GNG12: variants seen among roughly 807,000 people sequenced by gnomAD.
GNG12 encodes guanine nucleotide-binding protein G(I)/G(S)/G(O) subunit gamma-12.
For missense variants in GNG12, 69 were observed against 83.8 expected (o/e 0.82, Z 0.69); for synonymous variants, 28 against 29.7 (o/e 0.94, Z 0.19).
chr1:67,771,252 TCCTGA>T (rs1180986331), intron 2 of GNG12, among the ~76,000 whole-genome samples: 8 of 152,346 alleles, frequency 5.3e-5, no homozygotes, highest in Non-Finnish European at 8.8e-5. Flanking sequence ...CTTTGCTAAG[TCCTGA>T]CTAAGTGCCA....
intron 1 of GNG12, among the ~76,000 whole-genome samples, chr1:67,825,544 C>T (rs952003270): frequency 2.6e-5 from 4 of 152,156 alleles, no homozygotes; most frequent in African/African-American, 7.2e-5. Context: ...GAAAGTAGTA[C>T]CAGTTGGTAC....
At chr1:67,736,135 C>G (rs1265210092) in intron 2 of GNG12, among the ~76,000 whole-genome samples, 2 of 152,126 alleles carry the variant, frequency 1.3e-5, no homozygotes, top group Non-Finnish European at 2.9e-5. Flanking sequence ...ACTCATACAT[C>G]TGCCATTTCA....
intron 1 of GNG12, among the ~76,000 whole-genome samples, chr1:67,794,282 GAT>G (rs1226662069): frequency 6.6e-6 from 1 of 152,202 alleles, no homozygotes; most frequent in Non-Finnish European, 1.5e-5. Context: ...GCTCAGGAGA[GAT>G]GGGAGCTGTA....
In GNG12 at chr1:67,803,282, G is replaced by T. The variant is rs182307063; in HGVS notation, c.-76-25775C>A. ...TAATCCCAGCACTTTGGAAGCCTGAGACAGGAGGATTGCTTGAGGCTGGGA... is the reference window on the plus strand; with the variant it reads ...TAATCCCAGCACTTTGGAAGCCTGATACAGGAGGATTGCTTGAGGCTGGGA... On this transcript the variant is annotated intron_variant, in intron 1 of 3. Transcript: ENST00000370982. Among the ~76,000 whole-genome samples the T allele has an allele frequency of 4.9e-3, 750 of 152,300 alleles. 6 individuals carry two copies. The highest frequency in any genetic ancestry group is 0.017 in the African/African-American group (715 of 41,568).
chr1:67,766,148 A>ACCCCCC (rs1553157564), intron 2 of GNG12, among the ~76,000 whole-genome samples: 1 of 133,708 alleles, frequency 7.5e-6, no homozygotes, highest in East Asian at 2.1e-4. Context: ...ACACACACAC[A>ACCCCCC]CCCCTAAACA....
intron 1 of GNG12, among the ~76,000 whole-genome samples, chr1:67,804,476 T>C (rs1646883634): frequency 6.6e-6 from 1 of 152,188 alleles, no homozygotes; most frequent in Admixed American, 6.5e-5. Context: ...TATGACTCCA[T>C]AGTGTCTTTA....
chr1:67,708,198 G>A (rs569218890), intron 2 of GNG12, among the ~76,000 whole-genome samples: 57 of 152,338 alleles, frequency 3.7e-4, no homozygotes, highest in African/African-American at 1.3e-3. Context: ...AAAATGAGAA[G>A]AGAGCTCCTC....
intron 1 of GNG12, among the ~76,000 whole-genome samples, chr1:67,826,180 A>G (rs1570579389): frequency 6.6e-6 from 1 of 152,216 alleles, no homozygotes; most frequent in African/African-American, 2.4e-5. Flanking sequence ...CTGTGGCTAC[A>G]GGGGCTTTGA....
At chr1:67,821,880 A>G (rs986420062) in intron 1 of GNG12, among the ~76,000 whole-genome samples, 1 of 151,932 alleles carries the variant, frequency 6.6e-6, no homozygotes, top group African/African-American at 2.4e-5. Flanking sequence ...ATACGGTGTT[A>G]TTATCTCTGT....
At chr1:67,833,125 C>T (rs1419860680) in intron 1 of GNG12, among the ~76,000 whole-genome samples, 5 of 151,764 alleles carry the variant, frequency 3.3e-5, no homozygotes, top group Admixed American at 1.3e-4. Flanking sequence ...CCTTCCTCCC[C>T]CTCCCCCCGG....
intron 1 of GNG12, among the ~76,000 whole-genome samples, chr1:67,799,017 T>C (rs1343308100): frequency 2.6e-5 from 4 of 152,196 alleles, no homozygotes; most frequent in Non-Finnish European, 5.9e-5. Flanking sequence ...CATGCTTTTC[T>C]TAATACGTTT....
rs1646520551 is a variant in GNG12 at position 67,748,659 on chromosome 1, C to T, written c.-27+28799G>A. On this transcript the variant is annotated intron_variant, in intron 2 of 3. Coordinates refer to ENST00000370982, the MANE Select transcript of GNG12 (RefSeq NM_018841.6). The stretch of plus-strand genomic sequence containing the variant: ...TTTCCAGTGGTGATTTCATCTAGTC[C>T]CTACAGAAACTGAGAATTAAATGTC... Among the ~76,000 whole-genome samples the T allele has an allele frequency of 2.0e-5, 3 of 152,068 alleles. No homozygotes were observed. In the South Asian group the frequency reaches 6.2e-4, roughly 32 times the overall value.
At chr1:67,783,083 G>C (rs1370764946) in intron 1 of GNG12, among the ~76,000 whole-genome samples, 1 of 152,048 alleles carries the variant, frequency 6.6e-6, no homozygotes, top group Admixed American at 6.6e-5. Context: ...CTTGCTGTAA[G>C]GATAAAAAAA....
At chr1:67,829,038 T>C (rs150332270) in intron 1 of GNG12, among the ~76,000 whole-genome samples, 1 of 152,326 alleles carries the variant, frequency 6.6e-6, no homozygotes, top group African/African-American at 2.4e-5. Context: ...ACCAGATTTG[T>C]TTAGTAACTA....
chr1:67,774,039 C>T (rs1007265437), intron 2 of GNG12, among the ~76,000 whole-genome samples: 2 of 152,194 alleles, frequency 1.3e-5, no homozygotes, highest in Admixed American at 1.3e-4. Context: ...CATTGTTTTA[C>T]CTACAGAGAT....
intron 1 of GNG12, among the ~76,000 whole-genome samples, chr1:67,784,954 T>C (rs1024465583): frequency 5.3e-5 from 8 of 152,178 alleles, no homozygotes; most frequent in Admixed American, 2.0e-4. Flanking sequence ...ATGTTGCCTG[T>C]ACGGCAGAGA....
rs116267836 is a variant in GNG12, at chr1:67,768,912, T to A, written c.-27+8546A>T. Reference sequence around the variant, plus strand: ...TGCTTTTAGGCCAAGAGAATATAGATGAACAGTCCCAGGGGAGTTGAGTTC... The same window carrying A: ...TGCTTTTAGGCCAAGAGAATATAGAAGAACAGTCCCAGGGGAGTTGAGTTC... On this transcript the variant is annotated intron_variant, in intron 2 of 3. Transcript: ENST00000370982. 5.1e-3 allele frequency among the ~76,000 whole-genome samples: 784 copies of A among 152,344 alleles called. 7 individuals are homozygous for A. The highest frequency in any genetic ancestry group is 0.018 in the African/African-American group (750 of 41,572).
chr1:67,792,601 A>G (rs1646807717), intron 1 of GNG12, among the ~76,000 whole-genome samples: 1 of 152,226 alleles, frequency 6.6e-6, no homozygotes, highest in African/African-American at 2.4e-5. Flanking sequence ...CCTTTAAAAA[A>G]TGCTTGCAGA....
At chr1:67,823,444 C>T (rs1646994742) in intron 1 of GNG12, among the ~76,000 whole-genome samples, 1 of 152,180 alleles carries the variant, frequency 6.6e-6, no homozygotes, top group South Asian at 2.1e-4. Context: ...CCACTCTACC[C>T]TTAGGCCCAA....
Sources: allele counts gnomAD v4.1 joint callset (sites outside exome capture counted in the v4.1 genomes callset), GRCh38; gene constraint gnomAD v4.1.1; transcripts MANE v1.5; gene names NCBI Gene and HGNC (gene_info 2026-07-23, HGNC 2026-07-21).